Variants in FBXL2 observed in about 807,000 individuals in gnomAD.
The protein encoded by FBXL2 is F-box/LRR-repeat protein 2.
FBXL2 carries 38 observed loss-of-function variants against 69.2 expected under a neutral mutation model. That is an observed-to-expected ratio of 0.55 (90% CI 0.42 to 0.72). FBXL2 has a LOEUF of 0.72. FBXL2 is among the 30% of genes least tolerant of loss of function. FBXL2 has a pLI of 0.00. For synonymous variants in FBXL2, 192 were observed against 201.3 expected, an observed-to-expected ratio of 0.95 and a Z score of 0.39; for missense variants, 354 against 520.3, an observed-to-expected ratio of 0.68 and a Z score of 3.11.
intron 14 of FBXL2, 112 bp downstream of exon 14, chr3:33,384,313 C>G: frequency 2.8e-6 from 3 of 1,054,082 alleles, no homozygotes; most frequent in Non-Finnish European, 4.1e-6. Flanking sequence ...GTAATCCCAA[C>G]ACTTTCAGAA....
chr3:33,403,088 G>C (rs2044292864), intron 12 of FBXL2: 1 of 565,592 alleles, frequency 1.8e-6, no homozygotes, highest in Admixed American at 2.8e-5. Flanking sequence ...TTTACCTGCT[G>C]TGTGCGTCTA....
chr3:33,402,858 G>A, intron 12 of FBXL2: 1 of 1,610,398 alleles, frequency 6.2e-7, no homozygotes, highest in Non-Finnish European at 8.5e-7. Context: ...CGCTGGGGAA[G>A]GGCTGTTATT....
chr3:33,393,797 T>C (rs964209460), intron 12 of FBXL2, among the ~76,000 whole-genome samples: 2 of 152,166 alleles, frequency 1.3e-5, no homozygotes, highest in Non-Finnish European at 2.9e-5. Context: ...AGGAATTGGC[T>C]GCAAATGGAC....
At chr3:33,404,444 T>C (rs1005407278), downstream of FBXL2, among the ~76,000 whole-genome samples, 6 of 148,596 alleles carry the variant, frequency 4.0e-5, no homozygotes, top group East Asian at 1.2e-3. Context: ...TAAGTAAATA[T>C]AATGAAGACT....
At chr3:33,392,944 A>C, downstream of FBXL2, 1 of 325,242 alleles carries the variant, frequency 3.1e-6, no homozygotes, top group Non-Finnish European at 5.5e-6. Flanking sequence ...TCACTAGGGG[A>C]AAAATTATAT....
intron 5 of FBXL2, among the ~76,000 whole-genome samples, chr3:33,370,808 G>A (rs1297416432): frequency 6.6e-6 from 1 of 152,094 alleles, no homozygotes; most frequent in Non-Finnish European, 1.5e-5. Flanking sequence ...GATCAATTTG[G>A]TTATTATATG....
intron 2 of FBXL2, among the ~76,000 whole-genome samples, chr3:33,350,707 A>T (rs1173822048): frequency 1.3e-5 from 2 of 151,960 alleles, no homozygotes; most frequent in African/African-American, 2.4e-5. Flanking sequence ...AAGTGCTGGG[A>T]TTACAGGTGT....
intron 2 of FBXL2, among the ~76,000 whole-genome samples, chr3:33,334,599 G>A (rs1277190099): frequency 6.6e-6 from 1 of 152,128 alleles, no homozygotes; most frequent in Admixed American, 6.6e-5. Flanking sequence ...GCAAAAAAGA[G>A]AAGAGAAAGA....
chr3:33,396,098 A>C, intron 12 of FBXL2: 1 of 1,408,356 alleles, frequency 7.1e-7, no homozygotes, highest in Non-Finnish European at 9.7e-7. Context: ...TGCTCAATCG[A>C]GTCCTTTCCG....
At chr3:33,310,463 T>G (rs746689591) in intron 2 of FBXL2, among the ~76,000 whole-genome samples, 3 of 152,132 alleles carry the variant, frequency 2.0e-5, no homozygotes, top group African/African-American at 4.8e-5. Context: ...TCTTAATAGT[T>G]TTATATTTTA....
intron 4 of FBXL2, 134 bp from the exon 5 acceptor site, chr3:33,364,491 T>C: frequency 2.6e-6 from 2 of 784,170 alleles, no homozygotes; most frequent in Non-Finnish European, 4.4e-6. Context: ...ACTGAGGTGT[T>C]ACAGGAATGT....
chr3:33,417,129 T>C, the FBXL2 span, among the ~76,000 whole-genome samples: 3 of 152,228 alleles, frequency 2.0e-5, no homozygotes, highest in African/African-American at 7.2e-5. Context: ...TAACAGCTTT[T>C]CTGAGATATA....
At chr3:33,368,143 G>A (rs2042070215) in intron 5 of FBXL2, among the ~76,000 whole-genome samples, 1 of 152,168 alleles carries the variant, frequency 6.6e-6, no homozygotes, top group Non-Finnish European at 1.5e-5. Context: ...CTTGGCAAGT[G>A]TCCCATGTGC....
chr3:33,354,867 A>C (rs1053282208), intron 2 of FBXL2, among the ~76,000 whole-genome samples: 16 of 152,362 alleles, frequency 1.1e-4, no homozygotes, highest in African/African-American at 3.8e-4. Flanking sequence ...TGAATGGACA[A>C]ATTTAGAAAT....
At chr3:33,401,425 A>G (rs1242348012) in intron 12 of FBXL2, among the ~76,000 whole-genome samples, 1 of 152,248 alleles carries the variant, frequency 6.6e-6, no homozygotes, top group East Asian at 1.9e-4. Flanking sequence ...GAAATAGTAC[A>G]ATGACCCTAA....
At chr3:33,364,361 G>A (rs2041820278) in intron 4 of FBXL2, 1 of 476,880 alleles carries the variant, frequency 2.1e-6, no homozygotes, top group South Asian at 2.3e-5. Context: ...AAAAGGCAGT[G>A]TACAGGTTTT....
intron 2 of FBXL2, among the ~76,000 whole-genome samples, chr3:33,348,327 G>T (rs181259683): frequency 1.6e-4 from 24 of 151,834 alleles, no homozygotes; most frequent in African/African-American, 5.5e-4. Flanking sequence ...TTTATTATAG[G>T]TATATGGATT....
At chr3:33,419,352 G>A in the FBXL2 span, among the ~76,000 whole-genome samples, 1 of 152,082 alleles carries the variant, frequency 6.6e-6, no homozygotes, top group South Asian at 2.1e-4. Flanking sequence ...AAATTAGGCT[G>A]GGCGCAGTGG....
At chr3:33,370,417 CA>C (rs35020611) in intron 5 of FBXL2, among the ~76,000 whole-genome samples, 11,281 of 129,008 alleles carry the variant, frequency 0.087, 533 homozygotes, top group South Asian at 0.13. Flanking sequence ...GACTCCGTCT[CA>C]AAAAAAAAAA....
Sources: allele counts gnomAD v4.1 joint callset (sites outside exome capture counted in the v4.1 genomes callset), GRCh38; gene constraint gnomAD v4.1.1; transcripts MANE v1.5; gene names NCBI Gene and HGNC (gene_info 2026-07-23, HGNC 2026-07-21).